PTPRT: variants seen among roughly 807,000 people sequenced by gnomAD.
The protein encoded by PTPRT is protein tyrosine phosphatase receptor type T, also known as receptor-type tyrosine-protein phosphatase T.
A neutral mutation model predicts 176.8 loss-of-function variants in PTPRT; 56 were observed. That is an observed-to-expected ratio of 0.32 (90% CI 0.26 to 0.40). PTPRT has a LOEUF of 0.40. PTPRT is among the 10% of genes least tolerant of loss of function. The pLI, the probability that PTPRT is intolerant of heterozygous loss-of-function variation, is 1.00. For missense variants in PTPRT, 1,540 were observed against 1,908.2 expected, an observed-to-expected ratio of 0.81 and a Z score of 3.60; for synonymous variants, 783 against 739.0, an observed-to-expected ratio of 1.06 and a Z score of -0.96.
At chr20:42,258,060 G>A (rs1328285920) in intron 13 of PTPRT, among the ~76,000 whole-genome samples, 2 of 152,132 alleles carry the variant, frequency 1.3e-5, no homozygotes, top group East Asian at 1.9e-4. Flanking sequence ...CCGTTCAGCA[G>A]AGAAATGTGT....
At chr20:42,892,744 G>C (rs2079216926) in intron 1 of PTPRT, among the ~76,000 whole-genome samples, 1 of 152,204 alleles carries the variant, frequency 6.6e-6, no homozygotes, top group Non-Finnish European at 1.5e-5. Context: ...GGGGACCCTG[G>C]GGTGGGGGAA....
chr20:42,984,457 G>C (rs974954409), intron 1 of PTPRT, among the ~76,000 whole-genome samples: 1 of 152,146 alleles, frequency 6.6e-6, no homozygotes, highest in Non-Finnish European at 1.5e-5. Flanking sequence ...TTCCAATAAA[G>C]ATAAGAGCTT....
intron 20 of PTPRT, among the ~76,000 whole-genome samples, chr20:42,119,136 A>T (rs1987453443): frequency 6.6e-6 from 1 of 152,022 alleles, no homozygotes; most frequent in Non-Finnish European, 1.5e-5. Context: ...TTAAAATTAC[A>T]AAAGTAATAC....
intron 1 of PTPRT, among the ~76,000 whole-genome samples, chr20:42,975,926 CA>C (rs528308755): frequency 0.021 from 2,937 of 141,548 alleles, 73 homozygotes; most frequent in African/African-American, 0.062. Context: ...ACCCCCCCAC[CA>C]AAAAAAAAAA....
chr20:43,101,351 T>C (rs1284337055), intron 1 of PTPRT, among the ~76,000 whole-genome samples: 3 of 152,100 alleles, frequency 2.0e-5, no homozygotes, highest in Admixed American at 6.5e-5. Context: ...AGCATAGTAT[T>C]ATGGGCAGGA....
chr20:42,846,950 C>T (rs2078383665), intron 2 of PTPRT, among the ~76,000 whole-genome samples: 1 of 152,194 alleles, frequency 6.6e-6, no homozygotes, highest in Non-Finnish European at 1.5e-5. Flanking sequence ...TCCTTACAAA[C>T]AATGAGACTC....
At chr20:43,006,099 T>C (rs1295287455) in intron 1 of PTPRT, among the ~76,000 whole-genome samples, 1 of 152,200 alleles carries the variant, frequency 6.6e-6, no homozygotes, top group Non-Finnish European at 1.5e-5. Context: ...TATTACAAAA[T>C]GAGTCATGGT....
intron 9 of PTPRT, among the ~76,000 whole-genome samples, chr20:42,364,540 G>A (rs2058488797): frequency 6.6e-6 from 1 of 151,670 alleles, no homozygotes; most frequent in South Asian, 2.1e-4. Context: ...TCCCTTCTTG[G>A]TTAAAACGAT....
At chr20:42,944,537 TTC>T (rs1302413202) in intron 1 of PTPRT, among the ~76,000 whole-genome samples, 1 of 152,162 alleles carries the variant, frequency 6.6e-6, no homozygotes, top group Admixed American at 6.6e-5. Context: ...TGCAGCTACT[TTC>T]CACTTGCTGT....
At chr20:43,020,106 G>GTT (rs1203745843) in intron 1 of PTPRT, among the ~76,000 whole-genome samples, 33 of 126,920 alleles carry the variant, frequency 2.6e-4, no homozygotes, top group Non-Finnish European at 4.1e-4. Flanking sequence ...GTGTGTGTGT[G>GTT]TGTGTATATA....
At chr20:42,106,218 C>T (rs1364238856) in intron 24 of PTPRT, among the ~76,000 whole-genome samples, 1 of 152,198 alleles carries the variant, frequency 6.6e-6, no homozygotes, top group South Asian at 2.1e-4. Flanking sequence ...AGGTACACAA[C>T]AATAAAGATT....
chr20:42,573,907 C>A (rs2073208805), intron 7 of PTPRT, among the ~76,000 whole-genome samples: 1 of 151,978 alleles, frequency 6.6e-6, no homozygotes, highest in African/African-American at 2.4e-5. Context: ...TGCCACCACG[C>A]CCGGTTAATT....
intron 1 of PTPRT, among the ~76,000 whole-genome samples, chr20:43,055,148 G>T (rs567792860): frequency 2.3e-4 from 35 of 152,202 alleles, no homozygotes; most frequent in African/African-American, 7.9e-4. Context: ...CATTAAAAAT[G>T]ATGAGGCTCA....
At chr20:42,571,075 C>T (rs62203787) in intron 7 of PTPRT, among the ~76,000 whole-genome samples, 1,858 of 152,224 alleles carry the variant, frequency 0.012, 39 homozygotes, top group South Asian at 0.099. Context: ...CATTAAAATG[C>T]TTATAAAGAA....
intron 6 of PTPRT, among the ~76,000 whole-genome samples, chr20:42,726,082 TTATTA>T (rs2076376305): frequency 1.3e-5 from 2 of 148,874 alleles, no homozygotes; most frequent in Admixed American, 1.3e-4. Flanking sequence ...ATTATTATTA[TTATTA>T]TTATTATTAT....
chr20:42,107,046 T>G, intron 23 of PTPRT, 125 bp from the exon 24 acceptor site: 1 of 1,239,350 alleles, frequency 8.1e-7, no homozygotes, highest in Non-Finnish European at 1.1e-6. Context: ...TGTTCCCACA[T>G]TTCCTTTCTT....
Position 43,078,785 on chromosome 20 carries a change from T to C in PTPRT, c.88+110861A>G, listed in dbSNP as rs185030102. ...AGTTGCAATATTAATCATACTTTTC[T>C]GGCAAAAGAATCCATTTCCCAATAA... On this transcript the variant is annotated intron_variant, in intron 1 of 30. Transcript: ENST00000373187. Among the ~76,000 whole-genome samples, 3 of 152,308 alleles carry C rather than the reference T, an allele frequency of 2.0e-5. No individual in the cohort carries two copies. The East Asian group carries it at 5.8e-4, about 29-fold the overall frequency.
chr20:42,289,308 A>G (rs1028180298), intron 12 of PTPRT, among the ~76,000 whole-genome samples: 1 of 152,074 alleles, frequency 6.6e-6, no homozygotes, highest in Non-Finnish European at 1.5e-5. Flanking sequence ...TCTGCACAGC[A>G]AAAGAAAAAC....
chr20:42,979,813 C>T (rs1983166309), intron 1 of PTPRT, among the ~76,000 whole-genome samples: 1 of 151,986 alleles, frequency 6.6e-6, no homozygotes, highest in Admixed American at 6.5e-5. Context: ...ACTGTAGAGT[C>T]AGGTAGGTTT....
Sources: gnomAD v4.1 joint callset for allele counts (sites outside exome capture counted in the v4.1 genomes callset) on GRCh38, gnomAD v4.1.1 for gene constraint, MANE v1.5 for transcripts, NCBI Gene and HGNC (gene_info 2026-07-23, HGNC 2026-07-21) for gene names.